ZNF423: variants seen among roughly 807,000 people sequenced by gnomAD.
The protein encoded by ZNF423 is Ebf-associated zinc finger protein.
Under a neutral mutation model 95.8 loss-of-function variants are expected in ZNF423, and 12 were observed. The observed-to-expected ratio is 0.13, with a 90% CI of 0.08 to 0.20. The LOEUF is 0.20. Ranked by LOEUF, ZNF423 falls within the 10% of genes least tolerant of loss-of-function variation. ZNF423 has a pLI of 1.00. For synonymous variants in ZNF423, 749 were observed against 711.9 expected (o/e 1.05, Z -0.83); for missense variants, 1,316 against 1,737.1 (o/e 0.76, Z 4.31).
chr16:49,742,565 C>T (rs542304095), intron 2 of ZNF423, among the ~76,000 whole-genome samples: 1 of 152,218 alleles, frequency 6.6e-6, no homozygotes, highest in Admixed American at 6.5e-5. Context: ...CCTCCTGAGG[C>T]AGTGACCATT....
chr16:49,635,757 G>C lies in ZNF423; in HGVS notation c.3419C>G (p.Ala1140Gly). ...CPECSVKFES[A>G]EDLESHMQVD... is the part of the protein sequence containing the mutation. ...CTGCATGTGGCTCTCCAGGTCTTCGGCACTCTCAAACTTGACACTGCACTC... is the reference window on the plus strand; with the variant it reads ...CTGCATGTGGCTCTCCAGGTCTTCGCCACTCTCAAACTTGACACTGCACTC... Residue 1140 changes from alanine (A) to glycine (G), a missense_variant, in exon 4 of 8, where the codon GCC (alanine) becomes GGC (glycine). Ala to Gly is a moderately conservative substitution (Grantham distance 60). Coordinates refer to ENST00000563137, the MANE Select transcript of ZNF423 (RefSeq NM_001379286.1). This position sits in a 1 kb window ranked among gnomAD's most constrained non-coding sequence, Gnocchi z 4.8. The C allele has an allele frequency of 1.9e-6, 3 of 1,612,838 alleles. No individual in the cohort carries two copies. The highest frequency in any genetic ancestry group is 2.5e-6 in the Non-Finnish European group (3 of 1,179,840).
At chr16:49,735,986 C>G (rs1322316430) in intron 2 of ZNF423, among the ~76,000 whole-genome samples, 1 of 152,176 alleles carries the variant, frequency 6.6e-6, no homozygotes, top group Non-Finnish European at 1.5e-5. Flanking sequence ...GATAGCCGAC[C>G]TTCTCGCCCC....
intron 5 of ZNF423, among the ~76,000 whole-genome samples, chr16:49,559,130 T>C (rs1296636938): frequency 6.6e-6 from 1 of 152,168 alleles, no homozygotes; most frequent in African/African-American, 2.4e-5. Context: ...GAAAGGCAGT[T>C]GTATGTCTGG....
intron 5 of ZNF423, among the ~76,000 whole-genome samples, chr16:49,538,235 C>T (rs1023726605): frequency 6.6e-5 from 10 of 152,170 alleles, no homozygotes; most frequent in Non-Finnish European, 1.3e-4. Context: ...AACTCTCCAG[C>T]GAGGTGCAGC....
intron 2 of ZNF423, among the ~76,000 whole-genome samples, chr16:49,767,690 C>A (rs567212512): frequency 3.3e-5 from 5 of 152,274 alleles, no homozygotes; most frequent in Admixed American, 2.6e-4. Flanking sequence ...GAGAGTCAGA[C>A]CCCACCAGGC....
chr16:49,749,219 G>A (rs2033586099), intron 2 of ZNF423, among the ~76,000 whole-genome samples: 1 of 152,076 alleles, frequency 6.6e-6, no homozygotes, highest in African/African-American at 2.4e-5. Flanking sequence ...GCAGGAGTGG[G>A]TGCAGGAAGG....
intron 5 of ZNF423, among the ~76,000 whole-genome samples, chr16:49,567,043 A>C (rs1381710310): frequency 6.6e-6 from 1 of 152,226 alleles, no homozygotes; most frequent in Non-Finnish European, 1.5e-5. Context: ...GAATGGGCCC[A>C]AATTGATGAC....
At chr16:49,748,215 G>C (rs1166801936) in intron 2 of ZNF423, among the ~76,000 whole-genome samples, 1 of 152,258 alleles carries the variant, frequency 6.6e-6, no homozygotes, top group Admixed American at 6.5e-5. Context: ...TTGAATGGAT[G>C]AATGAAGGTA....
At chr16:49,758,063 C>A (rs1464811716) in intron 2 of ZNF423, among the ~76,000 whole-genome samples, 2 of 152,158 alleles carry the variant, frequency 1.3e-5, no homozygotes, top group African/African-American at 2.4e-5. Context: ...TCCTGCCTCG[C>A]CTTCACCTGC....
Position 49,637,795 on chromosome 16 carries a change from G to A in ZNF423, c.1381C>T (p.Leu461Phe), listed in dbSNP as rs746344195. 1 of 1,614,166 alleles carries A rather than the reference G, an allele frequency of 6.2e-7. No homozygotes were observed. Among genetic ancestry groups the A allele is most frequent in the South Asian group, 1.1e-5 (1 of 91,080 alleles). ...CGAACGTGCTCGTTGAGGTTGTAGA[G>A]GGTGGGCATGGAGTCCAGGCAGATC... ...CQICLDSMPT[L>F]YNLNEHVRKL... The change falls in exon 4 of 8, where the codon CTC (leucine) becomes TTC (phenylalanine). Residue 461 changes from leucine to phenylalanine, a missense_variant. Leu to Phe is a conservative substitution (Grantham distance 22, BLOSUM62 0). Transcript: ENST00000563137. The surrounding 1 kb of genome is among the most constrained non-coding windows in gnomAD (Gnocchi z 5.6).
At chr16:49,857,676 T>A (rs2035385802), upstream of ZNF423, 1 of 152,208 alleles carries the variant, frequency 6.6e-6, no homozygotes, top group East Asian at 1.9e-4. This position sits in a 1 kb window ranked among gnomAD's most constrained non-coding sequence, Gnocchi z 6.2. Context: ...CCCTACACCC[T>A]TATTTGTAGA....
chr16:49,571,785 A>G lies in ZNF423; in HGVS notation c.3602-46291T>C, dbSNP rs76354475. Among the ~76,000 whole-genome samples the G allele has an allele frequency of 3.8e-3, 577 of 152,266 alleles. 5 individuals are homozygous for G. Among genetic ancestry groups the G allele is most frequent in the African/African-American group, 0.013 (555 of 41,570 alleles). On this transcript the variant is annotated intron_variant, in intron 5 of 7. Coordinates refer to ENST00000563137, the MANE Select transcript of ZNF423 (RefSeq NM_001379286.1). ...GCACAGCCCCTCCCCACTCGAACCC[A>G]TAGGTCACTCCAAAACAGGGACAAG... is the stretch of plus-strand genomic sequence containing the variant.
chr16:49,842,245 A>C (rs1435356326), intron 1 of ZNF423, among the ~76,000 whole-genome samples: 1 of 89,968 alleles, frequency 1.1e-5, no homozygotes, highest in South Asian at 6.1e-4. Flanking sequence ...AAGGGAAGGG[A>C]GGGGAAAGGA....
In ZNF423 at chr16:49,637,219, C is replaced by T. The variant is rs1364434469; in HGVS notation, c.1957G>A (p.Glu653Lys). Reference protein sequence around the residue: ...NQCDLKFSNFESFQTHLKLHL... With the variant: ...NQCDLKFSNFKSFQTHLKLHL... ...AGCTTCAGGTGGGTCTGGAAGCTCT[C>T]AAAGTTGGAGAACTTGAGGTCGCAT... The change falls in exon 4 of 8, where the codon GAG (glutamate) becomes AAG (lysine). Residue 653 changes from glutamate to lysine, a missense_variant. This residue lies in a region of ZNF423 where 620 missense variants were observed against 775.6 expected (regional missense o/e 0.80). Coordinates refer to ENST00000563137, the MANE Select transcript of ZNF423 (RefSeq NM_001379286.1). The surrounding 1 kb of genome is among the most constrained non-coding windows in gnomAD (Gnocchi z 5.6). 1 of 1,614,070 alleles carries T rather than the reference C, an allele frequency of 6.2e-7. No individual in the cohort carries two copies. Among genetic ancestry groups the T allele is most frequent in the Non-Finnish European group, 8.5e-7 (1 of 1,180,038 alleles).
At chr16:49,557,976 CAG>C (rs1969889147) in intron 5 of ZNF423, among the ~76,000 whole-genome samples, 1 of 152,228 alleles carries the variant, frequency 6.6e-6, no homozygotes, top group African/African-American at 2.4e-5. Flanking sequence ...AAACAGCCCA[CAG>C]AGGGGAAAAG....
At chr16:49,751,368 G>GC (rs2033630722) in intron 2 of ZNF423, among the ~76,000 whole-genome samples, 1 of 151,938 alleles carries the variant, frequency 6.6e-6, no homozygotes, top group Non-Finnish European at 1.5e-5. Flanking sequence ...CACCTGGCTA[G>GC]TTTTTTTCAA....
intron 5 of ZNF423, among the ~76,000 whole-genome samples, chr16:49,615,982 G>A (rs989261841): frequency 2.6e-5 from 4 of 152,120 alleles, no homozygotes; most frequent in African/African-American, 7.2e-5. Context: ...ACACACCCAG[G>A]ACCCGCCCTT....
chr16:49,850,866 C>T (rs1406169390), intron 1 of ZNF423, among the ~76,000 whole-genome samples: 2 of 152,210 alleles, frequency 1.3e-5, no homozygotes, highest in Admixed American at 1.3e-4. Flanking sequence ...CATCTCACAG[C>T]CTTCCAACCT....
At chr16:49,830,189 G>C (rs1382801597) in intron 1 of ZNF423, among the ~76,000 whole-genome samples, 1 of 152,212 alleles carries the variant, frequency 6.6e-6, no homozygotes, top group East Asian at 1.9e-4. Flanking sequence ...GAGTCCAGAA[G>C]AAGGAGAAGG....
Sources: gnomAD v4.1 joint callset for allele counts (sites outside exome capture counted in the v4.1 genomes callset) on GRCh38, gnomAD v4.1.1 for gene constraint, gnomAD v4.1.1 regional missense constraint, Gnocchi (gnomAD v3.1) non-coding constraint, MANE v1.5 for transcripts, NCBI Gene and HGNC (gene_info 2026-07-23, HGNC 2026-07-21) for gene names.